Variants in STK3 observed in about 807,000 individuals in gnomAD.
STK3 encodes serine/threonine-protein kinase 3.
Under a neutral mutation model 58.0 loss-of-function variants are expected in STK3, and 41 were observed. The ratio of observed to expected loss-of-function variants is 0.71; its 90% CI spans 0.55 to 0.92. The LOEUF is 0.92. Ranked by LOEUF, STK3 falls within the 40% of genes least tolerant of loss-of-function variation. The probability of loss-of-function intolerance (pLI) is 0.00; values close to 1 mark genes in which losing one functional copy is unlikely to be tolerated. For missense variants in STK3, 479 were observed against 602.7 expected (o/e 0.79, Z 2.15); for synonymous variants, 170 against 191.0 (o/e 0.89, Z 0.91).
chr8:98,548,089 T>C lies in STK3; in HGVS notation c.1021A>G (p.Ser341Gly), dbSNP rs775790253. The C allele has an allele frequency of 4.3e-5, 69 of 1,609,094 alleles. 1 individual carries two copies. The highest frequency in any genetic ancestry group is 5.7e-5 in the Non-Finnish European group (67 of 1,177,884). Residue 341 changes from serine (S) to glycine (G), a missense_variant, in exon 9 of 11, where the codon AGC (serine) becomes GGC (glycine). Ser to Gly is a moderately conservative substitution (Grantham distance 56, BLOSUM62 0). Coordinates refer to ENST00000419617, the MANE Select transcript of STK3 (RefSeq NM_006281.4). Reference sequence around the variant, plus strand: ...GTCTGGGCCCCTTCACTCATCGTGCTTGTGGCCCGCATGGTGCCCACACTC... The same window carrying C: ...GTCTGGGCCCCTTCACTCATCGTGCCTGTGGCCCGCATGGTGCCCACACTC... Reference protein sequence around the residue: ...VESVGTMRATSTMSEGAQTMI... With the variant: ...VESVGTMRATGTMSEGAQTMI...
At chr8:98,425,170 G>T (rs1299108391) in intron 3 of STK3, among the ~76,000 whole-genome samples, 1 of 152,194 alleles carries the variant, frequency 6.6e-6, no homozygotes, top group African/African-American at 2.4e-5. Flanking sequence ...GAGATCCAGG[G>T]GCTCCCAGAC....
intron 8 of STK3, among the ~76,000 whole-genome samples, chr8:98,577,330 T>TA (rs1411426685): frequency 6.6e-6 from 1 of 151,842 alleles, no homozygotes; most frequent in Non-Finnish European, 1.5e-5. Flanking sequence ...CTACTAAAAA[T>TA]ACAAAAATTA....
At chr8:98,903,540 T>C (rs1587825770) in intron 1 of STK3, among the ~76,000 whole-genome samples, 1 of 38,702 alleles carries the variant, frequency 2.6e-5, no homozygotes, top group South Asian at 1.5e-3. Flanking sequence ...TTCTTCTTCT[T>C]CTTCTTCTTC....
At chr8:98,491,161 ACGAGAGAG>A (rs986327972) in intron 10 of STK3, among the ~76,000 whole-genome samples, 1 of 90,268 alleles carries the variant, frequency 1.1e-5, no homozygotes, top group Non-Finnish European at 2.2e-5. Context: ...CAAAATAAAC[ACGAGAGAG>A]AGAGAGAGAG....
chr8:98,526,102 A>G (rs1825727168), intron 10 of STK3, among the ~76,000 whole-genome samples: 1 of 151,906 alleles, frequency 6.6e-6, no homozygotes. Flanking sequence ...TTGAGAATTT[A>G]CTCTCTCAAG....
intron 3 of STK3, among the ~76,000 whole-genome samples, chr8:98,757,186 A>AC (rs1377914506): frequency 6.7e-6 from 1 of 150,324 alleles, no homozygotes; most frequent in Non-Finnish European, 1.5e-5. Flanking sequence ...AATAAAGCAT[A>AC]CTTTTTTTTT....
Position 98,706,758 on chromosome 8 carries a change from T to G in STK3, c.517-124A>C, listed in dbSNP as rs1587366935. On this transcript the variant is annotated intron_variant, in intron 5 of 10. Coordinates refer to ENST00000419617, the MANE Select transcript of STK3 (RefSeq NM_006281.4). ...ACAGATTATATCAGAAATTGACTAT[T>G]TTGCTAAAATTTCAACTAGTTATGA... The G allele has an allele frequency of 3.0e-5, 34 of 1,145,720 alleles. No homozygotes were observed. In the East Asian group the frequency reaches 8.9e-4, roughly 30 times the overall value. 71.0% of individuals were successfully genotyped at this position (1,145,720 alleles called of 1,614,324 possible). A position where few individuals can be genotyped will look rare whatever the true frequency, so the allele number is the denominator to read the frequency against.
At chr8:98,599,080 T>C (rs908033231) in intron 6 of STK3, among the ~76,000 whole-genome samples, 4 of 152,190 alleles carry the variant, frequency 2.6e-5, no homozygotes, top group African/African-American at 9.6e-5. Flanking sequence ...TGTGAATGTA[T>C]AGAAGTGATG....
chr8:98,923,828 C>CGTGTGTGTGTGT (rs55929161), intron 1 of STK3, among the ~76,000 whole-genome samples: 333 of 144,342 alleles, frequency 2.3e-3, no homozygotes, highest in African/African-American at 8.1e-3. Flanking sequence ...TTTGCAAAAA[C>CGTGTGTGTGTGT]GTGTGTGTGT....
At chr8:98,549,664 A>G (rs1257846187) in intron 8 of STK3, among the ~76,000 whole-genome samples, 2 of 152,156 alleles carry the variant, frequency 1.3e-5, no homozygotes, top group African/African-American at 4.8e-5. Context: ...TCAGTAATAA[A>G]AGTACAAATT....
At chr8:98,536,363 G>A (rs1809763846) in intron 9 of STK3, among the ~76,000 whole-genome samples, 1 of 152,052 alleles carries the variant, frequency 6.6e-6, no homozygotes, top group African/African-American at 2.4e-5. Context: ...TGAGGCAGGA[G>A]GATTGCTTGA....
chr8:98,683,067 C>G (rs531872962), intron 6 of STK3, among the ~76,000 whole-genome samples: 37 of 152,042 alleles, frequency 2.4e-4, no homozygotes, highest in African/African-American at 7.9e-4. Flanking sequence ...CAGTTTTCAT[C>G]CCCAATTAGC....
intron 10 of STK3, among the ~76,000 whole-genome samples, chr8:98,496,692 T>C (rs928584561): frequency 2.0e-5 from 3 of 152,186 alleles, no homozygotes; most frequent in East Asian, 1.9e-4. Flanking sequence ...CTTGAGGATA[T>C]TATGCTAAGT....
At chr8:98,727,191 A>G (rs548975428) in intron 4 of STK3, among the ~76,000 whole-genome samples, 13 of 152,238 alleles carry the variant, frequency 8.5e-5, no homozygotes, top group African/African-American at 2.4e-4. Context: ...AATGGCCACA[A>G]TGATTTGCTC....
the STK3 span, among the ~76,000 whole-genome samples, chr8:98,345,363 A>T: frequency 6.6e-6 from 1 of 152,052 alleles, no homozygotes; most frequent in African/African-American, 2.4e-5. Flanking sequence ...GGCATCAGGT[A>T]ACTATTGAGT....
chr8:98,364,469 T>A, the STK3 span, among the ~76,000 whole-genome samples: 1 of 152,298 alleles, frequency 6.6e-6, no homozygotes, highest in South Asian at 2.1e-4. Flanking sequence ...GGAGGCTGAG[T>A]AAGAGCCCCA....
chr8:98,592,824 T>C (rs1202122348), intron 7 of STK3, among the ~76,000 whole-genome samples: 1 of 151,938 alleles, frequency 6.6e-6, no homozygotes, highest in Non-Finnish European at 1.5e-5. Context: ...AGTGCAGTGG[T>C]GCGATCTTGG....
chr8:98,537,069 A>C (rs904449368), intron 9 of STK3, among the ~76,000 whole-genome samples: 3 of 152,236 alleles, frequency 2.0e-5, no homozygotes, highest in African/African-American at 7.2e-5. Flanking sequence ...AGTTAACAAA[A>C]GTTTTAAAAG....
At chr8:98,535,333 C>T (rs1308983894) in intron 9 of STK3, among the ~76,000 whole-genome samples, 1 of 152,130 alleles carries the variant, frequency 6.6e-6, no homozygotes, top group East Asian at 1.9e-4. Flanking sequence ...ACAATAGAAA[C>T]TACAAAAAGC....
Sources: allele counts gnomAD v4.1 joint callset (sites outside exome capture counted in the v4.1 genomes callset), GRCh38; gene constraint gnomAD v4.1.1; transcripts MANE v1.5; gene names NCBI Gene and HGNC (gene_info 2026-07-23, HGNC 2026-07-21).